KDM4C: variants seen among roughly 807,000 people sequenced by gnomAD.
KDM4C encodes the protein lysine-specific demethylase 4C.
Under a neutral mutation model 129.3 loss-of-function variants are expected in KDM4C, and 81 were observed. The ratio of observed to expected loss-of-function variants is 0.63; its 90% confidence interval spans 0.52 to 0.75. KDM4C has a LOEUF of 0.75. KDM4C is among the 30% of genes least tolerant of loss of function. The pLI is 0.00. For missense variants in KDM4C, 1,457 were observed against 1,304.0 expected (o/e 1.12, Z -1.81); for synonymous variants, 573 against 456.1 (o/e 1.26, Z -3.26).
intron 2 of KDM4C, among the ~76,000 whole-genome samples, chr9:6,797,591 T>G (rs1034989108): frequency 6.6e-6 from 1 of 152,174 alleles, no homozygotes; most frequent in Admixed American, 6.5e-5. Flanking sequence ...TTTTTATATA[T>G]GAAGTGGGTG....
intron 4 of KDM4C, among the ~76,000 whole-genome samples, chr9:6,834,251 A>C (rs1835443225): frequency 6.6e-6 from 1 of 151,912 alleles, no homozygotes; most frequent in Non-Finnish European, 1.5e-5. Context: ...GCCCAGGCTG[A>C]TTTCGGAACT....
intron 1 of KDM4C, among the ~76,000 whole-genome samples, chr9:6,779,362 G>A (rs761678398): frequency 1.1e-4 from 16 of 144,756 alleles, no homozygotes; most frequent in Non-Finnish European, 1.8e-4. Flanking sequence ...GAACTGAGCA[G>A]GGTAAGGAGA....
intron 5 of KDM4C, among the ~76,000 whole-genome samples, chr9:6,875,396 G>A (rs1027765401): frequency 1.3e-5 from 2 of 152,140 alleles, no homozygotes; most frequent in African/African-American, 2.4e-5. Context: ...TCTCCTGGGC[G>A]GGTCTTGAGC....
chr9:7,160,193 G>A (rs10976077), intron 19 of KDM4C, among the ~76,000 whole-genome samples: 2,590 of 152,126 alleles, frequency 0.017, 67 homozygotes, highest in African/African-American at 0.059. Context: ...GGTCATTTAA[G>A]GTCTTCTCCA....
At chr9:6,995,547 A>T (rs766587127) in intron 12 of KDM4C, among the ~76,000 whole-genome samples, 2 of 152,238 alleles carry the variant, frequency 1.3e-5, no homozygotes, top group Non-Finnish European at 2.9e-5. Context: ...CACTCTTGGG[A>T]TAATGCCTCC....
upstream of KDM4C, chr9:6,757,856 G>T: frequency 1.0e-6 from 1 of 985,654 alleles, no homozygotes; most frequent in East Asian, 1.1e-4. Context: ...CCACAGCGCG[G>T]AAGTTGAGCC....
At chr9:6,911,837 G>T (rs1474134508) in intron 8 of KDM4C, among the ~76,000 whole-genome samples, 1 of 152,202 alleles carries the variant, frequency 6.6e-6, no homozygotes, top group Non-Finnish European at 1.5e-5. Context: ...GGGGCTCGGG[G>T]AGGTGGCAGG....
At chr9:7,061,686 G>T (rs1422445161) in intron 17 of KDM4C, among the ~76,000 whole-genome samples, 2 of 152,010 alleles carry the variant, frequency 1.3e-5, no homozygotes, top group African/African-American at 4.8e-5. Flanking sequence ...GAAAAGGTCA[G>T]TAAGTCCACT....
At chr9:7,034,962 A>G (rs1366480092) in intron 15 of KDM4C, among the ~76,000 whole-genome samples, 1 of 151,900 alleles carries the variant, frequency 6.6e-6, no homozygotes, top group African/African-American at 2.4e-5. Flanking sequence ...TTCCATTTGT[A>G]TGTATTTTGT....
chr9:7,077,666 C>T (rs1392458655), intron 17 of KDM4C, among the ~76,000 whole-genome samples: 1 of 152,164 alleles, frequency 6.6e-6, no homozygotes, highest in African/African-American at 2.4e-5. Flanking sequence ...AGGTCTATGA[C>T]TCCCAGGAAC....
At chr9:7,025,042 C>A (rs1279989319) in intron 15 of KDM4C, among the ~76,000 whole-genome samples, 4 of 152,170 alleles carry the variant, frequency 2.6e-5, no homozygotes, top group African/African-American at 9.7e-5. Context: ...AGGTGCTCCA[C>A]TGTTGAATGC....
At chr9:6,954,601 G>T (rs1336570073) in intron 8 of KDM4C, among the ~76,000 whole-genome samples, 1 of 152,170 alleles carries the variant, frequency 6.6e-6, no homozygotes, top group Non-Finnish European at 1.5e-5. Flanking sequence ...TGTTAATAAT[G>T]TGCAGGTTTC....
intron 17 of KDM4C, among the ~76,000 whole-genome samples, chr9:7,066,114 A>G (rs151149823): frequency 6.6e-6 from 1 of 152,180 alleles, no homozygotes; most frequent in Non-Finnish European, 1.5e-5. Flanking sequence ...GCTTGTCATC[A>G]TTTTAATGGT....
intron 2 of KDM4C, among the ~76,000 whole-genome samples, chr9:6,804,726 C>T (rs1264606512): frequency 1.4e-4 from 21 of 150,408 alleles, no homozygotes; most frequent in Middle Eastern, 3.4e-3. Flanking sequence ...GCCACTGCTC[C>T]CCAGCCGAGT....
At chr9:6,775,215 C>T (rs1192879837) in intron 1 of KDM4C, among the ~76,000 whole-genome samples, 1 of 152,018 alleles carries the variant, frequency 6.6e-6, no homozygotes, top group Non-Finnish European at 1.5e-5. Context: ...TGGGGTTTCA[C>T]CATGTTGGCC....
intron 5 of KDM4C, among the ~76,000 whole-genome samples, chr9:6,876,866 G>A (rs1459047822): frequency 2.0e-5 from 3 of 151,804 alleles, no homozygotes; most frequent in African/African-American, 4.8e-5. Context: ...TGGTATTACC[G>A]GAAAAAAAAA....
chr9:6,776,166 C>T (rs1025529423), intron 1 of KDM4C, among the ~76,000 whole-genome samples: 1 of 152,196 alleles, frequency 6.6e-6, no homozygotes, highest in Admixed American at 6.5e-5. Flanking sequence ...CTCACTGAAG[C>T]CTTGAACTCC....
chr9:6,722,942 G>A (rs7028933), intron 1 of KDM4C, among the ~76,000 whole-genome samples: 39,952 of 151,726 alleles, frequency 0.26, 6,285 homozygotes, highest in African/African-American at 0.43. Flanking sequence ...GAAATCGCAC[G>A]ACTGCACTCT....
chr9:6,904,539 G>A lies in KDM4C; in HGVS notation c.921+11307G>A, dbSNP rs866687612. On this transcript the variant is annotated intron_variant, in intron 8 of 21. Coordinates refer to ENST00000381309, the MANE Select transcript of KDM4C (RefSeq NM_015061.6). The stretch of plus-strand genomic sequence containing the variant: ...ATGGCTCTGTTTGCATTCCCTGGGT[G>A]CAGAGCAGATGGTAGGTGGGCTTGT... Among the ~76,000 whole-genome samples the A allele has an allele frequency of 2.6e-5, 4 of 151,988 alleles. 1 individual carries two copies. The South Asian group carries it at 8.3e-4, about 32-fold the overall frequency.
Sources: gnomAD v4.1 joint callset for allele counts (sites outside exome capture counted in the v4.1 genomes callset) on GRCh38, gnomAD v4.1.1 for gene constraint, MANE v1.5 for transcripts, NCBI Gene and HGNC (gene_info 2026-07-23, HGNC 2026-07-21) for gene names.